HAUS7: variants seen among roughly 807,000 people sequenced by gnomAD.
The protein encoded by HAUS7 is HAUS augmin like complex subunit 7.
In HAUS7, 3 loss-of-function variants were observed where a neutral mutation model predicts 28.4. That is an observed-to-expected ratio of 0.11 (90% CI 0.05 to 0.27). The LOEUF is 0.27. Among genes scored for constraint, HAUS7 ranks in the 10% least tolerant of loss-of-function variants. The pLI is 1.00. For missense variants in HAUS7, 284 were observed against 297.3 expected (o/e 0.96, Z 0.33); for synonymous variants, 165 against 132.1 (o/e 1.25, Z -1.71).
chrX:153,448,490 A>C (rs2089195387), intron 9 of HAUS7, among the ~76,000 whole-genome samples: 1 of 110,464 alleles, frequency 9.1e-6, no homozygotes, highest in Non-Finnish European at 1.9e-5. Context: ...ACATGTATAC[A>C]TATGTAACTA....
Position 153,492,721 on chromosome X carries a change from T to A in HAUS7, c.-589+2653A>T, listed in dbSNP as rs782446541. Among the ~76,000 whole-genome samples the A allele has an allele frequency of 9.9e-4, 110 of 111,081 alleles. 1 individual carries two copies. The highest frequency in any genetic ancestry group is 3.5e-3 in the African/African-American group (107 of 30,541). ...ACTGCAGCGCCGCCTGGCTCCCCTGTGTCTCCCCACACCCCCCCGCACGTG... is the reference window on the plus strand; with the variant it reads ...ACTGCAGCGCCGCCTGGCTCCCCTGAGTCTCCCCACACCCCCCCGCACGTG... On this transcript the variant is annotated intron_variant, in intron 1 of 5. Transcript: ENST00000370210.
upstream of HAUS7, among the ~76,000 whole-genome samples, chrX:153,473,794 G>A (rs1010465689): frequency 1.5e-4 from 16 of 103,287 alleles, no homozygotes; most frequent in East Asian, 3.6e-4. Flanking sequence ...CTCCCTCCCC[G>A]TCCTGTCCTC....
intron 8 of HAUS7, chrX:153,455,065 A>C: frequency 2.0e-6 from 2 of 993,313 alleles, no homozygotes; most frequent in Non-Finnish European, 2.7e-6. Flanking sequence ...TCACATGTGG[A>C]ACAACGAAAC....
At chrX:153,483,233 AG>A in intron 1 of HAUS7, 1 of 657,594 alleles carries the variant, frequency 1.5e-6, no homozygotes, top group East Asian at 1.6e-4. Context: ...GCACAGCCAG[AG>A]TTGGAGCCTG....
chrX:153,455,265 G>A (rs781882282), intron 8 of HAUS7: 8 of 437,160 alleles, frequency 1.8e-5, no homozygotes, highest in South Asian at 6.4e-5. Context: ...GCTGGGACAC[G>A]CAGGACCCCA....
chrX:153,455,687 G>A lies in HAUS7; in HGVS notation c.785C>T (p.Thr262Ile). Reference sequence around the variant, plus strand: ...CAAGATTAGCTGGTGGAAGTCGGAAGTGACCAGACGCAGCTTCTGGTCTAG... The same window carrying A: ...CAAGATTAGCTGGTGGAAGTCGGAAATGACCAGACGCAGCTTCTGGTCTAG... ...STLDQKLRLV[T>I]SDFHQLILAF... is the part of the protein sequence containing the mutation. The change falls in exon 8 of 10, where the codon ACT (threonine) becomes ATT (isoleucine). Residue 262 changes from threonine to isoleucine, a missense_variant. Coordinates refer to ENST00000370211, the MANE Select transcript of HAUS7 (RefSeq NM_001385482.1). 8.3e-7 allele frequency: 1 copy of A among 1,204,369 alleles called. No individual in the cohort carries two copies. Among genetic ancestry groups the A allele is most frequent in the Non-Finnish European group, 1.1e-6 (1 of 888,526 alleles).
intron 3 of HAUS7, 117 bp from the exon 4 acceptor site, chrX:153,462,788 C>G: frequency 1.7e-6 from 1 of 579,277 alleles, no homozygotes; most frequent in Non-Finnish European, 2.9e-6. Context: ...CCAGGGTGGG[C>G]CAGGAGGCAG....
intron 9 of HAUS7, among the ~76,000 whole-genome samples, chrX:153,454,191 T>C (rs1321866422): frequency 8.9e-6 from 1 of 112,684 alleles, no homozygotes; most frequent in East Asian, 2.8e-4. Context: ...TATTACTGAG[T>C]TATCTCAATT....
upstream of HAUS7, among the ~76,000 whole-genome samples, chrX:153,471,651 C>T (rs1356685635): frequency 8.9e-6 from 1 of 112,600 alleles, no homozygotes; most frequent in Non-Finnish European, 1.9e-5. Flanking sequence ...CTCCTCTGTG[C>T]CCTACCCTGC....
At chrX:153,469,953 T>C (rs782045853) in intron 1 of HAUS7, among the ~76,000 whole-genome samples, 9 of 111,124 alleles carry the variant, frequency 8.1e-5, no homozygotes, top group Admixed American at 1.9e-4. Flanking sequence ...GACAGCTCCC[T>C]AACCTCGTGG....
chrX:153,479,523 C>A, intron 1 of HAUS7: 1 of 315,922 alleles, frequency 3.2e-6, no homozygotes, highest in Non-Finnish European at 4.2e-6. Context: ...TGTGCGCAGA[C>A]TCTAGGGGCG....
At chrX:153,474,323 T>G (rs904769625), upstream of HAUS7, among the ~76,000 whole-genome samples, 138 of 112,163 alleles carry the variant, frequency 1.2e-3, no homozygotes, top group African/African-American at 4.3e-3. Context: ...GGCCCTCACC[T>G]GCCCCATCCT....
chrX:153,494,257 G>A, intron 1 of HAUS7, among the ~76,000 whole-genome samples: 1 of 112,582 alleles, frequency 8.9e-6, no homozygotes, highest in Non-Finnish European at 1.9e-5. Flanking sequence ...TCATGTCCGA[G>A]GGGACCTGCA....
At position 153,454,556 on chromosome X, in the gene HAUS7, G is replaced by T. The variant is rs1320042819; in HGVS notation, c.931-48C>A. 3 of 637,483 alleles carry T rather than the reference G, an allele frequency of 4.7e-6. No individual in the cohort carries two copies. The African/African-American group carries it at 6.6e-5, about 14-fold the overall frequency. 52.5% of individuals were successfully genotyped at this position (637,483 alleles called of 1,213,427 possible). On this transcript the variant is annotated intron_variant, in intron 8 of 9. Coordinates refer to ENST00000370211, the MANE Select transcript of HAUS7 (RefSeq NM_001385482.1). The stretch of plus-strand genomic sequence containing the variant: ...AGGGAGGGAGGGAGGGAGCGAGCAG[G>T]CACTAAATGCCGCTGGTCTCACGTA...
intron 1 of HAUS7, among the ~76,000 whole-genome samples, chrX:153,486,442 C>T (rs2089638154): frequency 1.8e-5 from 2 of 111,696 alleles, no homozygotes; most frequent in Non-Finnish European, 3.8e-5. Context: ...CACTGAGCCT[C>T]GAGTTGGGAG....
At chrX:153,486,889 T>C in intron 1 of HAUS7, 2 of 854,100 alleles carry the variant, frequency 2.3e-6, no homozygotes, top group East Asian at 7.9e-5. Context: ...GCTTGGCCTT[T>C]GCACCACTGG....
At chrX:153,467,094 C>T (rs1424746406) in intron 2 of HAUS7, among the ~76,000 whole-genome samples, 1 of 110,946 alleles carries the variant, frequency 9.0e-6, no homozygotes, top group Non-Finnish European at 1.9e-5. Flanking sequence ...GGCAAATCTG[C>T]GCCCCCTCCC....
intron 7 of HAUS7, among the ~76,000 whole-genome samples, 182 bp downstream of exon 7, chrX:153,456,083 C>A (rs2089303747): frequency 8.9e-6 from 1 of 112,586 alleles, no homozygotes; most frequent in South Asian, 3.6e-4. Flanking sequence ...ATACCTGAGG[C>A]TGATCCCTTC....
chrX:153,485,875 C>A, intron 1 of HAUS7: 1 of 920,980 alleles, frequency 1.1e-6, no homozygotes, highest in Non-Finnish European at 1.4e-6. Context: ...ACATCGAGCG[C>A]ATCCCTGGCT....
Sources: gnomAD v4.1 joint callset for allele counts (sites outside exome capture counted in the v4.1 genomes callset) on GRCh38, gnomAD v4.1.1 for gene constraint, MANE v1.5 for transcripts, NCBI Gene and HGNC (gene_info 2026-07-23, HGNC 2026-07-21) for gene names.